Variants in LPAR5 observed in about 807,000 individuals in gnomAD.
LPAR5 encodes the protein G protein-coupled receptor 92.
For missense variants in LPAR5, 544 were observed against 521.8 expected (o/e 1.04, Z -0.41); for synonymous variants, 271 against 261.6 (o/e 1.04, Z -0.35).
At chr12:6,633,379 C>T (rs1025075931) in intron 1 of LPAR5, among the ~76,000 whole-genome samples, 1 of 151,896 alleles carries the variant, frequency 6.6e-6, no homozygotes, top group African/African-American at 2.4e-5. Flanking sequence ...CTTCAGCCCT[C>T]ACTGCTCTTG....
intron 1 of LPAR5, among the ~76,000 whole-genome samples, chr12:6,631,002 G>A (rs1948977622): frequency 6.6e-6 from 1 of 152,176 alleles, no homozygotes; most frequent in South Asian, 2.1e-4. Context: ...TCTAGGTGTT[G>A]GGGAGGGGCA....
rs1046054905 is a variant in LPAR5 at position 6,621,336 on chromosome 12, C to T, written c.-88G>A. The T allele has an allele frequency of 2.0e-5, 26 of 1,323,160 alleles. No homozygotes were observed. In the Admixed American group the frequency reaches 6.3e-4, roughly 32 times the overall value. The allele number at this position is 1,323,160 out of a possible 1,614,324, so 82.0% of individuals were successfully genotyped here. A position where few individuals can be genotyped will look rare whatever the true frequency, so the allele number is the denominator to read the frequency against. On this transcript the variant is annotated 5_prime_UTR_variant, in exon 2 of 2. Coordinates refer to ENST00000329858, the MANE Select transcript of LPAR5 (RefSeq NM_020400.6). ...TGGCATTCACCTCCGGGGCTGGGGC[C>T]TAGAGGCTGTACAGACATGGTCCCA... is the stretch of plus-strand genomic sequence containing the variant.
chr12:6,626,020 A>C (rs1234975992), intron 1 of LPAR5, among the ~76,000 whole-genome samples: 1 of 152,116 alleles, frequency 6.6e-6, no homozygotes, highest in Non-Finnish European at 1.5e-5. Flanking sequence ...CTGTAATCCT[A>C]GCACTTTGGG....
In LPAR5 at chr12:6,625,420, C is replaced by CA. The variant is rs34197416; in HGVS notation, c.-216-3957dup. On this transcript the variant is annotated intron_variant, in intron 1 of 1. Transcript: ENST00000329858. ...AGCCTGGGCAACAGAGACTCCGTCT[C>CA]AAAAAAAAAAAAAAAAGAGGGCCGG... 5.9e-3 allele frequency among the ~76,000 whole-genome samples: 681 copies of CA among 115,352 alleles called. 7 individuals carry two copies. The highest frequency in any genetic ancestry group is 0.023 in the Admixed American group (252 of 10,900). The allele number at this position is 115,352 out of a possible 152,430, so 75.7% of individuals were successfully genotyped here.
At position 6,619,481 on chromosome 12, in the gene LPAR5, G is replaced by C. The variant is rs1414279153; in HGVS notation, c.*649C>G. ...ATGGAAGAAAGGATAACCTAAAAAG[G>C]GTTTGGACTTGGATGTTGTTGAGGG... is the stretch of plus-strand genomic sequence containing the variant. On this transcript the variant is annotated 3_prime_UTR_variant, in exon 2 of 2. Transcript: ENST00000329858. 1.3e-5 allele frequency: 2 copies of C among 158,462 alleles called. No homozygotes were observed. The highest frequency in any genetic ancestry group is 6.2e-5 in the Admixed American group (1 of 16,244). The allele number at this position is 158,462 out of a possible 1,614,324, so 9.8% of individuals were successfully genotyped here. A position where few individuals can be genotyped will look rare whatever the true frequency, so the allele number is the denominator to read the frequency against.
At chr12:6,629,178 C>T (rs1948965575) in intron 1 of LPAR5, among the ~76,000 whole-genome samples, 1 of 145,162 alleles carries the variant, frequency 6.9e-6, no homozygotes, top group Non-Finnish European at 1.5e-5. Context: ...GAGTTCGAGA[C>T]CAGCCTGGCC....
At position 6,620,800 on chromosome 12, in the gene LPAR5, A is replaced by C; in HGVS notation, c.449T>G (p.Leu150Arg). 2 of 1,575,780 alleles carry C rather than the reference A, an allele frequency of 1.3e-6. No homozygotes were observed. Among genetic ancestry groups the C allele is most frequent in the Non-Finnish European group, 1.7e-6 (2 of 1,161,236 alleles). ...LLCLGVWALI[L>R]VFAVPAARVH... ...GCGGGCGGCGGGCACGGCAAACACCAGGATGAGCGCCCACACGCCCAGGCA... is the reference window on the plus strand; with the variant it reads ...GCGGGCGGCGGGCACGGCAAACACCCGGATGAGCGCCCACACGCCCAGGCA... Residue 150 changes from leucine (L) to arginine (R), a missense_variant, in exon 2 of 2, where the codon CTG (leucine) becomes CGG (arginine). By Grantham distance (102) the Leu-to-Arg change is moderately radical (BLOSUM62 -2). Transcript: ENST00000329858. This position sits in a 1 kb window ranked among gnomAD's most constrained non-coding sequence, Gnocchi z 6.8.
At chr12:6,626,594 ACCAGGCTCATTTCTGATACACTCC>A (rs1285325910) in intron 1 of LPAR5, among the ~76,000 whole-genome samples, 1 of 152,210 alleles carries the variant, frequency 6.6e-6, no homozygotes. Context: ...AGCAAGTAAA[ACCAGGCTCATTTCTGATACACTCC>A]CCTGCTCCAT....
chr12:6,621,095 G>C lies in LPAR5; in HGVS notation c.154C>G (p.Arg52Gly). 9.4e-6 allele frequency: 15 copies of C among 1,601,736 alleles called. No individual in the cohort carries two copies. Among genetic ancestry groups the C allele is most frequent in the Non-Finnish European group, 1.3e-5 (15 of 1,173,028 alleles). ...TACACGCTCACCACCGAGTGCACGC[G>C]CAGCGCGCGCAGGAAGACCCAGAGG... ...LALWVFLRAL[R>G]VHSVVSVYMC... The change falls in exon 2 of 2, where the codon CGC (arginine) becomes GGC (glycine). Residue 52 changes from arginine to glycine, a missense_variant. By Grantham distance (125) the Arg-to-Gly change is moderately radical (BLOSUM62 -2). Coordinates refer to ENST00000329858, the MANE Select transcript of LPAR5 (RefSeq NM_020400.6).
chr12:6,624,561 G>A (rs1352682917), intron 1 of LPAR5, among the ~76,000 whole-genome samples: 1 of 152,106 alleles, frequency 6.6e-6, no homozygotes, highest in Admixed American at 6.6e-5. Context: ...ATTTCACTTA[G>A]CATAATGTTT....
At chr12:6,632,938 T>C (rs1948989638) in intron 1 of LPAR5, among the ~76,000 whole-genome samples, 1 of 152,068 alleles carries the variant, frequency 6.6e-6, no homozygotes, top group South Asian at 2.1e-4. Context: ...CCTGCCTGCT[T>C]CTCCAGCCAG....
At chr12:6,627,447 C>T (rs898657379) in intron 1 of LPAR5, among the ~76,000 whole-genome samples, 11 of 152,036 alleles carry the variant, frequency 7.2e-5, no homozygotes, top group East Asian at 1.9e-4. Context: ...AACAATTAGC[C>T]GGGCGAGGTG....
At position 6,619,680 on chromosome 12, in the gene LPAR5, A is replaced by G; in HGVS notation, c.*450T>C. On this transcript the variant is annotated 3_prime_UTR_variant, in exon 2 of 2. Coordinates refer to ENST00000329858, the MANE Select transcript of LPAR5 (RefSeq NM_020400.6). ...GCCGAAATGAAAGGGGGTGGCATCC[A>G]TGAGCCTAGACAGAAGTCAGCAGAT... 3.0e-6 allele frequency: 1 copy of G among 337,590 alleles called. No individual in the cohort carries two copies. The highest frequency in any genetic ancestry group is 2.4e-5 in the South Asian group (1 of 40,904). The allele number at this position is 337,590 out of a possible 1,614,324, so 20.9% of individuals were successfully genotyped here. A position where few individuals can be genotyped will look rare whatever the true frequency, so the allele number is the denominator to read the frequency against.
In LPAR5 at chr12:6,634,874, G is replaced by A. The variant is rs545799013; in HGVS notation, c.-217+1033C>T. 1.5e-4 allele frequency among the ~76,000 whole-genome samples: 22 copies of A among 150,270 alleles called. No individual in the cohort carries two copies. In the South Asian group the frequency reaches 4.6e-3, roughly 32 times the overall value. On this transcript the variant is annotated intron_variant, in intron 1 of 1. Coordinates refer to ENST00000329858, the MANE Select transcript of LPAR5 (RefSeq NM_020400.6). ...GGAGGCCGAGGCAGGTGGATCATGA[G>A]GTCAGGAGTTCAAGACCAGCCTGGC...
At chr12:6,625,275 A>G (rs569875633) in intron 1 of LPAR5, among the ~76,000 whole-genome samples, 1 of 150,710 alleles carries the variant, frequency 6.6e-6, no homozygotes, top group South Asian at 2.1e-4. Flanking sequence ...AATGCAAAAA[A>G]TTAGCCGGGC....
At chr12:6,633,708 C>A (rs931623289) in intron 1 of LPAR5, among the ~76,000 whole-genome samples, 3 of 152,150 alleles carry the variant, frequency 2.0e-5, no homozygotes, top group African/African-American at 7.2e-5. Context: ...CCACTGTGCC[C>A]GGCCATTCTC....
Position 6,627,313 on chromosome 12 carries a change from C to G in LPAR5, c.-216-5849G>C, listed in dbSNP as rs555729762. On this transcript the variant is annotated intron_variant, in intron 1 of 1. Transcript: ENST00000329858. ...TCTAAATAAAAATAAGTAAATAGAC[C>G]GGGAATGGTGGCTCACGCCTGTAAT... 6.6e-5 allele frequency among the ~76,000 whole-genome samples: 10 copies of G among 151,628 alleles called. 1 individual carries two copies. The highest frequency in any genetic ancestry group is 2.2e-4 in the African/African-American group (9 of 41,322).
At position 6,620,836 on chromosome 12, in the gene LPAR5, G is replaced by T; in HGVS notation, c.413C>A (p.Ala138Glu). 1 of 1,559,672 alleles carries T rather than the reference G, an allele frequency of 6.4e-7. No individual in the cohort carries two copies. The highest frequency in any genetic ancestry group is 8.7e-7 in the Non-Finnish European group (1 of 1,151,784). ...CCACACGCCCAGGCAGAGCAGCCGC[G>T]CCACGCGGGGCCGCCGCAGGTGGCG... ...RLRHLRRPRV[A>E]RLLCLGVWAL... is the part of the protein sequence containing the mutation. Residue 138 changes from alanine (A) to glutamate (E), a missense_variant, in exon 2 of 2, where the codon GCG becomes GAG. Transcript: ENST00000329858. The surrounding 1 kb of genome is among the most constrained non-coding windows in gnomAD (Gnocchi z 6.8).
At chr12:6,630,433 CTTTTTTTTTTTTTTTTTTTTTTTT>C (rs34529805) in intron 1 of LPAR5, among the ~76,000 whole-genome samples, 23 of 41,826 alleles carry the variant, frequency 5.5e-4, no homozygotes, top group Admixed American at 1.2e-3. Context: ...CCCAGCCCAT[CTTTTTTTTTTTTTTTTTTTTTTTT>C]TTTTTTTTTT....
Sources: allele counts gnomAD v4.1 joint callset (sites outside exome capture counted in the v4.1 genomes callset), GRCh38; gene constraint gnomAD v4.1.1; non-coding constraint Gnocchi (gnomAD v3.1); transcripts MANE v1.5; gene names NCBI Gene and HGNC (gene_info 2026-07-23, HGNC 2026-07-21).